The following AFF3 variants were observed in gnomAD, a reference collection of about 807,000 sequenced individuals.
AFF3 encodes AF4/FMR2 family member 3.
AFF3 carries 32 observed loss-of-function variants against 129.7 expected under a neutral mutation model. The observed-to-expected ratio is 0.25, with a 90% CI of 0.19 to 0.33. AFF3 has a LOEUF of 0.33. Among genes scored for constraint, AFF3 ranks in the 10% least tolerant of loss-of-function variants. The probability of loss-of-function intolerance (pLI) is 1.00; values close to 1 mark genes in which losing one functional copy is unlikely to be tolerated. For missense variants in AFF3, 1,373 were observed against 1,592.0 expected, an observed-to-expected ratio of 0.86 and a Z score of 2.34; for synonymous variants, 644 against 635.4, an observed-to-expected ratio of 1.01 and a Z score of -0.20.
At position 99,608,815 on chromosome 2, in the gene AFF3, T is replaced by C. The variant is rs557184678; in HGVS notation, c.1185-7194A>G. On this transcript the variant is annotated intron_variant, in intron 13 of 24. Transcript: ENST00000672756. ...TGATTTTAAAATGCTGGTAACTAATTTGAAAAGTTTTAACAATGAAAAGTT... is the reference window on the plus strand; with the variant it reads ...TGATTTTAAAATGCTGGTAACTAATCTGAAAAGTTTTAACAATGAAAAGTT... Among the ~76,000 whole-genome samples, 34 of 152,302 alleles carry C rather than the reference T, an allele frequency of 2.2e-4. 1 individual carries two copies. Among genetic ancestry groups the C allele is most frequent in the African/African-American group, 8.2e-4 (34 of 41,554 alleles).
intron 7 of AFF3, among the ~76,000 whole-genome samples, chr2:99,969,431 T>C (rs1678117869): frequency 6.6e-6 from 1 of 152,222 alleles, no homozygotes; most frequent in Non-Finnish European, 1.5e-5. Context: ...CCTGAAAATC[T>C]GCACCATATC....
intron 13 of AFF3, among the ~76,000 whole-genome samples, chr2:99,634,434 C>A (rs1272584999): frequency 6.6e-6 from 1 of 152,188 alleles, no homozygotes; most frequent in Non-Finnish European, 1.5e-5. Context: ...TCTGCATGGT[C>A]TCCACAGCCC....
intron 8 of AFF3, among the ~76,000 whole-genome samples, chr2:99,820,045 G>C (rs1466331751): frequency 6.6e-6 from 1 of 152,148 alleles, no homozygotes; most frequent in East Asian, 1.9e-4. Context: ...CAGTAACTAG[G>C]TTACACATGA....
intron 22 of AFF3, among the ~76,000 whole-genome samples, chr2:99,557,887 T>C (rs764957618): frequency 1.3e-5 from 2 of 152,166 alleles, no homozygotes; most frequent in Non-Finnish European, 2.9e-5. Context: ...CAAAGGGCTG[T>C]TGGAGATAGA....
At chr2:99,675,385 G>A (rs1331588188) in intron 11 of AFF3, among the ~76,000 whole-genome samples, 1 of 152,124 alleles carries the variant, frequency 6.6e-6, no homozygotes, top group Non-Finnish European at 1.5e-5. Flanking sequence ...CACAGACCTG[G>A]GAGAGACGAC....
intron 11 of AFF3, among the ~76,000 whole-genome samples, chr2:99,674,174 A>G (rs1441361000): frequency 2.0e-5 from 3 of 152,158 alleles, no homozygotes; most frequent in Non-Finnish European, 4.4e-5. Context: ...TTTAAACCAC[A>G]AGTGAACAAA....
At chr2:100,037,550 T>A (rs1439269736) in intron 4 of AFF3, among the ~76,000 whole-genome samples, 9 of 60 alleles carry the variant, frequency 0.15, no homozygotes, top group African/African-American at 0.17. Context: ...ATATTTATAT[T>A]TTATATATTA....
chr2:100,121,284 C>T (rs1003194049), intron 2 of AFF3, among the ~76,000 whole-genome samples: 14 of 152,136 alleles, frequency 9.2e-5, no homozygotes, highest in African/African-American at 2.7e-4. Context: ...AGCTGGGCTT[C>T]GGAGAATATA....
chr2:99,663,051 CTA>C (rs1293454984), intron 12 of AFF3, among the ~76,000 whole-genome samples: 1 of 152,164 alleles, frequency 6.6e-6, no homozygotes, highest in African/African-American at 2.4e-5. Flanking sequence ...CAAAAACCTC[CTA>C]TGTTTTTATT....
intron 7 of AFF3, among the ~76,000 whole-genome samples, chr2:99,947,457 G>C (rs1346369456): frequency 7.0e-6 from 1 of 142,020 alleles, no homozygotes; most frequent in East Asian, 2.0e-4. Context: ...TAGAAAGACA[G>C]GAAAGACAGG....
intron 8 of AFF3, among the ~76,000 whole-genome samples, chr2:99,810,117 T>C (rs1254716480): frequency 6.6e-6 from 1 of 152,226 alleles, no homozygotes; most frequent in Non-Finnish European, 1.5e-5. Context: ...GATATGCTGA[T>C]GGACCAGTGA....
chr2:99,676,025 C>G (rs1182147421), intron 11 of AFF3, among the ~76,000 whole-genome samples: 2 of 150,280 alleles, frequency 1.3e-5, no homozygotes, highest in African/African-American at 4.9e-5. Flanking sequence ...CCCTGCTGCT[C>G]TAAGGGGCTC....
intron 7 of AFF3, among the ~76,000 whole-genome samples, chr2:99,908,245 A>AT (rs1243289037): frequency 1.3e-5 from 2 of 152,162 alleles, no homozygotes; most frequent in African/African-American, 4.8e-5. Flanking sequence ...CCTATTTAAT[A>AT]AATGGTGCTG....
chr2:99,615,180 C>T (rs1681295020), intron 13 of AFF3, among the ~76,000 whole-genome samples: 1 of 152,192 alleles, frequency 6.6e-6, no homozygotes, highest in Admixed American at 6.5e-5. Flanking sequence ...ATGGAAATGG[C>T]TGCCGATCTT....
Position 99,559,034 on chromosome 2 carries a change from C to T in AFF3, c.3192-66G>A, listed in dbSNP as rs939244666. 1.0e-5 allele frequency: 15 copies of T among 1,458,308 alleles called. No homozygotes were observed. In the African/African-American group the frequency reaches 1.5e-4, roughly 15 times the overall value. 90.3% of individuals were successfully genotyped at this position (1,458,308 alleles called of 1,614,324 possible). A position where few individuals can be genotyped will look rare whatever the true frequency, so the allele number is the denominator to read the frequency against. On this transcript the variant is annotated intron_variant, in intron 21 of 24. Coordinates refer to ENST00000672756, the MANE Select transcript of AFF3 (RefSeq NM_001386135.1). ...GCGTCGTGCGCAAACAAGACTTAAA[C>T]ATTTTTGTTGTTGTTCTAAGGTACT...
chr2:100,127,962 AT>A (rs1198523708), intron 2 of AFF3, among the ~76,000 whole-genome samples: 1 of 152,202 alleles, frequency 6.6e-6, no homozygotes, highest in East Asian at 1.9e-4. Flanking sequence ...GATAAAACAG[AT>A]TGCAGTAAAG....
rs185490736 is a variant in AFF3 at position 100,110,612 on chromosome 2, A to G, written c.-144-5029T>C. 1.9e-4 allele frequency among the ~76,000 whole-genome samples: 29 copies of G among 152,382 alleles called. No individual in the cohort carries two copies. In the East Asian group the frequency reaches 5.6e-3, roughly 29 times the overall value. On this transcript the variant is annotated intron_variant, in intron 2 of 24. Coordinates refer to ENST00000672756, the MANE Select transcript of AFF3 (RefSeq NM_001386135.1). ...AAAACATTGGTGGAGAAAGGGCAGC[A>G]GAAGATCCCCACAAGGTCCTTCAGG...
intron 7 of AFF3, among the ~76,000 whole-genome samples, chr2:99,932,322 G>A (rs897150921): frequency 6.6e-6 from 1 of 152,092 alleles, no homozygotes; most frequent in African/African-American, 2.4e-5. Context: ...GGACACTCCT[G>A]GTATAGATGG....
In AFF3 at chr2:99,928,029, C is replaced by T. The variant is rs147599909; in HGVS notation, c.873+78603G>A. Among the ~76,000 whole-genome samples, 587 of 152,206 alleles carry T rather than the reference C, an allele frequency of 3.9e-3. 4 individuals are homozygous for T. Among genetic ancestry groups the T allele is most frequent in the African/African-American group, 0.013 (533 of 41,482 alleles). ...TCCCCTACACAAGCTCTCTCTCTGCCTGCTGCCATCCACATAAGATGTGAC... is the reference window on the plus strand; with the variant it reads ...TCCCCTACACAAGCTCTCTCTCTGCTTGCTGCCATCCACATAAGATGTGAC... On this transcript the variant is annotated intron_variant, in intron 7 of 24. Coordinates refer to ENST00000672756, the MANE Select transcript of AFF3 (RefSeq NM_001386135.1).
Sources: allele counts gnomAD v4.1 joint callset (sites outside exome capture counted in the v4.1 genomes callset), GRCh38; gene constraint gnomAD v4.1.1; transcripts MANE v1.5; gene names NCBI Gene and HGNC (gene_info 2026-07-23, HGNC 2026-07-21).